TMEM232: variants seen among roughly 807,000 people sequenced by gnomAD.
TMEM232 encodes transmembrane protein 232.
TMEM232 carries 80 observed loss-of-function variants against 78.8 expected under a neutral mutation model. That is an observed-to-expected ratio of 1.01 (90% confidence interval 0.85 to 1.22). TMEM232 has a LOEUF of 1.22. TMEM232 is among the 50% of genes most tolerant of loss of function. TMEM232 has a pLI of 0.00. For missense variants in TMEM232, 881 were observed against 742.2 expected (o/e 1.19, Z -2.17); for synonymous variants, 297 against 254.3 (o/e 1.17, Z -1.60).
intron 1 of TMEM232, among the ~76,000 whole-genome samples, chr5:110,692,336 G>A (rs1003209224): frequency 2.6e-5 from 4 of 152,204 alleles, no homozygotes; most frequent in Admixed American, 6.5e-5. Context: ...CAAGATGGCC[G>A]AATAGCAGCA....
At chr5:110,459,369 AC>A (rs1353885595) in intron 12 of TMEM232, among the ~76,000 whole-genome samples, 10 of 152,138 alleles carry the variant, frequency 6.6e-5, no homozygotes, top group Admixed American at 2.0e-4. Context: ...GACATATAGC[AC>A]CGAGTTTGAT....
At position 110,640,933 on chromosome 5, in the gene TMEM232, C is replaced by T. The variant is rs1786598305; in HGVS notation, c.301G>A (p.Glu101Lys). The T allele has an allele frequency of 1.3e-6, 2 of 1,541,288 alleles. No homozygotes were observed. Among genetic ancestry groups the T allele is most frequent in the Non-Finnish European group, 1.8e-6 (2 of 1,141,672 alleles). The change falls in exon 4 of 14, where the codon GAA (glutamate) becomes AAA (lysine). Residue 101 changes from glutamate to lysine, a missense_variant. Physicochemically the swap from Glu to Lys is moderately conservative, Grantham distance 56 (BLOSUM62 1). Transcript: ENST00000455884. ...TTGCATTGAGCCAGATATATTACTT[C>T]AGTCCATGCAGCAGGAAGATGCACA... ...RHVHLPAAWT[E>K]VIYLAQCKGE...
Position 110,606,260 on chromosome 5 carries a change from G to C in TMEM232, c.930C>G (p.Val310=), listed in dbSNP as rs1781529455. 1.9e-6 allele frequency: 3 copies of C among 1,543,066 alleles called. No homozygotes were observed. Among genetic ancestry groups the C allele is most frequent in the African/African-American group, 1.4e-5 (1 of 72,890 alleles). The change falls in exon 9 of 14, where the codon GTC becomes GTG. Residue 310 remains valine, a synonymous_variant. Coordinates refer to ENST00000455884, the MANE Select transcript of TMEM232 (RefSeq NM_001039763.4). ...TGTTTAATTTGGCAGCCTCCCCAAG[G>C]ACCAGTAAAGCCAGTACTGAATCCA... ...CWLDSVLALL[V]LGEAAKLNMA...
chr5:110,688,757 C>A (rs908316694), intron 1 of TMEM232, among the ~76,000 whole-genome samples: 6 of 152,154 alleles, frequency 3.9e-5, no homozygotes, highest in African/African-American at 1.2e-4. Flanking sequence ...AACCTGGGAA[C>A]TGGGTCACAC....
intron 3 of TMEM232, among the ~76,000 whole-genome samples, chr5:110,396,368 A>C (rs1273842848): frequency 6.6e-6 from 1 of 152,166 alleles, no homozygotes; most frequent in Non-Finnish European, 1.5e-5. Flanking sequence ...TGGTTTACCT[A>C]TATAGATATT....
upstream of TMEM232, among the ~76,000 whole-genome samples, chr5:110,729,231 TA>T (rs201836068): frequency 6.8e-3 from 1,037 of 152,304 alleles, 11 homozygotes; most frequent in African/African-American, 0.024. Flanking sequence ...TGTAATCAAT[TA>T]AAAAATATTT....
chr5:110,641,919 G>C (rs1786779568), intron 3 of TMEM232, among the ~76,000 whole-genome samples: 1 of 152,094 alleles, frequency 6.6e-6, no homozygotes, highest in Admixed American at 6.6e-5. Context: ...CTTTGTGCAT[G>C]TATATAAAGG....
chr5:110,699,188 G>A (rs1017143759), intron 1 of TMEM232, among the ~76,000 whole-genome samples: 28 of 152,070 alleles, frequency 1.8e-4, no homozygotes, highest in African/African-American at 5.8e-4. Flanking sequence ...TCGCATGAAG[G>A]TGAGCTTTCT....
At chr5:110,542,006 C>T (rs1773181298) in intron 11 of TMEM232, among the ~76,000 whole-genome samples, 1 of 152,114 alleles carries the variant, frequency 6.6e-6, no homozygotes, top group South Asian at 2.1e-4. Context: ...GTAATATTGG[C>T]CATGCCTTCT....
In TMEM232 at chr5:110,523,609, T is replaced by TA. The variant is rs199682944; in HGVS notation, c.1703+4978dup. Among the ~76,000 whole-genome samples, 1,008 of 152,208 alleles carry TA rather than the reference T, an allele frequency of 6.6e-3. 19 individuals are homozygous for TA. The highest frequency in any genetic ancestry group is 0.023 in the African/African-American group (938 of 41,532). ...TTTTACTCAAGGTATTGCCTAATTT[T>TA]AAAAAAATTATTCTTTGAAACAAGG... is the stretch of plus-strand genomic sequence containing the variant. On this transcript the variant is annotated intron_variant, in intron 12 of 13. Coordinates refer to ENST00000455884, the MANE Select transcript of TMEM232 (RefSeq NM_001039763.4).
chr5:110,494,379 A>G (rs1765427800), intron 12 of TMEM232, among the ~76,000 whole-genome samples: 1 of 152,144 alleles, frequency 6.6e-6, no homozygotes. Flanking sequence ...AAACCCATTA[A>G]AAAATCATTA....
chr5:110,615,107 GT>G (rs1782763884), intron 8 of TMEM232, among the ~76,000 whole-genome samples: 1 of 151,918 alleles, frequency 6.6e-6, no homozygotes, highest in African/African-American at 2.4e-5. Flanking sequence ...AATCTAAAGT[GT>G]TTTTAGGGAA....
At chr5:110,502,463 G>T (rs1367086770) in intron 12 of TMEM232, among the ~76,000 whole-genome samples, 2 of 152,064 alleles carry the variant, frequency 1.3e-5, no homozygotes, top group African/African-American at 2.4e-5. Flanking sequence ...ATCTTGAAGG[G>T]GAAATAAAAG....
chr5:110,493,820 T>C (rs1251475875), intron 12 of TMEM232, among the ~76,000 whole-genome samples: 1 of 151,914 alleles, frequency 6.6e-6, no homozygotes, highest in Non-Finnish European at 1.5e-5. Context: ...CTGGGGTGCA[T>C]GTGCAGAACA....
chr5:110,622,096 A>G (rs1374926160), intron 7 of TMEM232, among the ~76,000 whole-genome samples: 2 of 152,190 alleles, frequency 1.3e-5, no homozygotes, highest in East Asian at 1.9e-4. Flanking sequence ...GGATCTCCCA[A>G]TACAAAGTGT....
At chr5:110,479,741 T>C (rs1464113922) in intron 12 of TMEM232, among the ~76,000 whole-genome samples, 1 of 151,790 alleles carries the variant, frequency 6.6e-6, no homozygotes, top group Non-Finnish European at 1.5e-5. Flanking sequence ...ATTAAATGCA[T>C]CATTTTCAAA....
chr5:110,634,743 A>C (rs1785576345), intron 5 of TMEM232, among the ~76,000 whole-genome samples: 1 of 152,104 alleles, frequency 6.6e-6, no homozygotes, highest in Admixed American at 6.6e-5. Context: ...CTGCATCAAA[A>C]AAACAGAAAG....
chr5:110,574,270 G>A (rs1470478178), intron 10 of TMEM232, among the ~76,000 whole-genome samples: 1 of 151,972 alleles, frequency 6.6e-6, no homozygotes, highest in African/African-American at 2.4e-5. Flanking sequence ...TCGCTTCTTG[G>A]TAGAAAATGG....
intron 6 of TMEM232, among the ~76,000 whole-genome samples, chr5:110,627,137 A>G (rs73226234): frequency 0.032 from 4,808 of 152,074 alleles, 283 homozygotes; most frequent in African/African-American, 0.11. Context: ...CTAGTTCAGA[A>G]CATCATTATC....
Sources: allele counts gnomAD v4.1 joint callset (sites outside exome capture counted in the v4.1 genomes callset), GRCh38; gene constraint gnomAD v4.1.1; transcripts MANE v1.5; gene names NCBI Gene and HGNC (gene_info 2026-07-23, HGNC 2026-07-21).